The following CNKSR2 variants were observed in gnomAD, a reference collection of about 807,000 sequenced individuals.
CNKSR2 encodes the protein connector enhancer of kinase suppressor of Ras 2.
Under a neutral mutation model 84.4 loss-of-function variants are expected in CNKSR2, and 14 were observed. That is an observed-to-expected ratio of 0.17 (90% CI 0.11 to 0.26). The LOEUF is 0.26. CNKSR2 is among the 10% of genes least tolerant of loss of function. The probability of loss-of-function intolerance (pLI) is 1.00; values close to 1 mark genes in which losing one functional copy is unlikely to be tolerated. For missense variants in CNKSR2, 485 were observed against 771.2 expected, an observed-to-expected ratio of 0.63 and a Z score of 4.40; for synonymous variants, 275 against 277.9, an observed-to-expected ratio of 0.99 and a Z score of 0.10.
intron 11 of CNKSR2, among the ~76,000 whole-genome samples, chrX:21,536,577 A>G (rs922558401): frequency 1.8e-5 from 2 of 109,834 alleles, no homozygotes; most frequent in Non-Finnish European, 3.8e-5. Context: ...CAGTTTTTTT[A>G]TTTCTCCTTG....
At chrX:21,503,342 G>A (rs2091578602) in intron 8 of CNKSR2, 2 of 292,792 alleles carry the variant, frequency 6.8e-6, no homozygotes, top group Admixed American at 1.2e-4. Flanking sequence ...AGTGAGTCAT[G>A]GTAACTGTGC....
rs1232878771 is a variant in CNKSR2, at chrX:21,497,834, A to T, written c.729A>T (p.Gly243=). ...STYDGLHVIT[G]TTENSPADRC... The stretch of plus-strand genomic sequence containing the variant: ...ATGATGGCCTCCATGTAATTACTGG[A>T]ACCACAGAAAATGTAAGTATTCTAA... Residue 243 remains glycine, a synonymous_variant, in exon 7 of 22, where the codon GGA becomes GGT. Transcript: ENST00000379510. 1 of 915,177 alleles carries T rather than the reference A, an allele frequency of 1.1e-6. No individual in the cohort carries two copies. The highest frequency in any genetic ancestry group is 2.0e-5 in the South Asian group (1 of 50,562). The allele number at this position is 915,177 out of a possible 1,213,427, so 75.4% of individuals were successfully genotyped here. A position where few individuals can be genotyped will look rare whatever the true frequency, so the allele number is the denominator to read the frequency against.
At chrX:21,433,653 T>TACACACACAC (rs56377458) in intron 3 of CNKSR2, among the ~76,000 whole-genome samples, 25 of 87,554 alleles carry the variant, frequency 2.9e-4, no homozygotes, top group African/African-American at 9.0e-4. Flanking sequence ...TATGTGTTCC[T>TACACACACAC]ACACACACAC....
chrX:21,546,910 A>G (rs934816378), intron 11 of CNKSR2, among the ~76,000 whole-genome samples: 2 of 112,130 alleles, frequency 1.8e-5, no homozygotes, highest in African/African-American at 6.5e-5. Context: ...GGCCTGCCTT[A>G]CAAGAGCTCC....
chrX:21,590,834 C>T, intron 14 of CNKSR2, 188 bp from the exon 15 acceptor site: 1 of 460,376 alleles, frequency 2.2e-6, no homozygotes, highest in Non-Finnish European at 3.6e-6. Flanking sequence ...AGTGGTGTTA[C>T]ATATTTCTGA....
chrX:21,408,720 A>G (rs769929405), intron 1 of CNKSR2, among the ~76,000 whole-genome samples: 46 of 110,697 alleles, frequency 4.2e-4, no homozygotes, highest in African/African-American at 1.4e-3. Context: ...TTCTCATATG[A>G]CATCAGTATC....
At chrX:21,595,452 A>G in intron 17 of CNKSR2, 57 bp downstream of exon 17, 1 of 692,811 alleles carries the variant, frequency 1.4e-6, no homozygotes, top group Non-Finnish European at 2.2e-6. Flanking sequence ...TAAATTTTCT[A>G]CAGTAATTCT....
intron 11 of CNKSR2, among the ~76,000 whole-genome samples, chrX:21,534,776 A>T (rs867539404): frequency 9.3e-4 from 103 of 111,306 alleles, no homozygotes; most frequent in African/African-American, 3.3e-3. Flanking sequence ...ATTTTTAAAT[A>T]AAAATATTTC....
chrX:21,452,189 C>G (rs1009395679), intron 4 of CNKSR2, among the ~76,000 whole-genome samples: 3 of 111,878 alleles, frequency 2.7e-5, no homozygotes, highest in Non-Finnish European at 3.8e-5. Flanking sequence ...CTCCCAGGTT[C>G]AAGCAATTCT....
chrX:21,434,747 TA>T (rs1317770091), intron 3 of CNKSR2, among the ~76,000 whole-genome samples: 3 of 110,375 alleles, frequency 2.7e-5, no homozygotes, highest in African/African-American at 9.8e-5. Context: ...GTTTTGGGTT[TA>T]TTACAGTTTT....
At chrX:21,486,852 A>G (rs922214462) in intron 5 of CNKSR2, among the ~76,000 whole-genome samples, 1 of 111,728 alleles carries the variant, frequency 9.0e-6, no homozygotes, top group Admixed American at 9.5e-5. Context: ...TGTAAGATAC[A>G]TTAAATAACT....
rs776696841 is a variant in CNKSR2, at chrX:21,518,408, T to TA, written c.957+1778dup. Among the ~76,000 whole-genome samples the TA allele has an allele frequency of 8.1e-5, 9 of 111,570 alleles. No homozygotes were observed. In the South Asian group the frequency reaches 1.5e-3, roughly 19 times the overall value. ...CATATTTCACATTAAGCACCAAAAATACCCTAGTTTCTTGTTGATCCATGC... is the reference window on the plus strand; with the variant it reads ...CATATTTCACATTAAGCACCAAAAATAACCCTAGTTTCTTGTTGATCCATGC... On this transcript the variant is annotated intron_variant, in intron 9 of 21. Transcript: ENST00000379510.
chrX:21,451,942 G>T (rs1023955707), intron 4 of CNKSR2, among the ~76,000 whole-genome samples: 3 of 111,731 alleles, frequency 2.7e-5, no homozygotes, highest in African/African-American at 9.8e-5. Flanking sequence ...CTTGTCTCAT[G>T]ACATGCAAAA....
intron 1 of CNKSR2, among the ~76,000 whole-genome samples, chrX:21,415,877 T>C (rs2090415483): frequency 9.3e-6 from 1 of 107,735 alleles, no homozygotes; most frequent in Non-Finnish European, 1.9e-5. Context: ...CACACATATA[T>C]ATATATATAT....
chrX:21,585,869 A>G (rs888725893), intron 13 of CNKSR2, among the ~76,000 whole-genome samples: 1 of 111,900 alleles, frequency 8.9e-6, no homozygotes, highest in African/African-American at 3.2e-5. Flanking sequence ...AAAAATGAAG[A>G]TGGGAATTTT....
chrX:21,575,322 T>G (rs997983237), intron 13 of CNKSR2, among the ~76,000 whole-genome samples: 1 of 111,133 alleles, frequency 9.0e-6, no homozygotes, highest in Non-Finnish European at 1.9e-5. Context: ...GAAGGTTTGG[T>G]TTTTTTATTA....
At chrX:21,538,592 G>A (rs770138417) in intron 11 of CNKSR2, 2 of 111,981 alleles carry the variant, frequency 1.8e-5, no homozygotes, top group South Asian at 7.5e-4. Flanking sequence ...GGGAGTTTAT[G>A]AAGCAGAATT....
Position 21,572,147 on chromosome X carries a change from C to A in CNKSR2, c.1608+8695C>A, listed in dbSNP as rs766874210. On this transcript the variant is annotated intron_variant, in intron 13 of 21. Transcript: ENST00000379510. ...GCATTTGCAAACCCCTACATGGGAA[C>A]AGTCTGTACTATGAAAAGTATTTCC... 1.2e-4 allele frequency among the ~76,000 whole-genome samples: 13 copies of A among 112,421 alleles called. No individual in the cohort carries two copies. The South Asian group carries it at 4.5e-3, about 39-fold the overall frequency.
At chrX:21,428,353 A>G (rs2090591653) in intron 2 of CNKSR2, 1 of 112,064 alleles carries the variant, frequency 8.9e-6, no homozygotes, top group South Asian at 3.7e-4. Context: ...TGTTTCTTTA[A>G]GCTATACTAT....
Sources: gnomAD v4.1 joint callset for allele counts (sites outside exome capture counted in the v4.1 genomes callset) on GRCh38, gnomAD v4.1.1 for gene constraint, MANE v1.5 for transcripts, NCBI Gene and HGNC (gene_info 2026-07-23, HGNC 2026-07-21) for gene names.